Variants in LCP2 observed in about 807,000 individuals in gnomAD.
LCP2 encodes 76 kDa tyrosine phosphoprotein.
In LCP2, 29 loss-of-function variants were observed where a neutral mutation model predicts 74.5. The ratio of observed to expected loss-of-function variants is 0.39; its 90% CI spans 0.29 to 0.53. LCP2 has a LOEUF of 0.53. Ranked by LOEUF, LCP2 falls within the 20% of genes least tolerant of loss-of-function variation. The probability of loss-of-function intolerance (pLI) is 0.72; values close to 1 mark genes in which losing one functional copy is unlikely to be tolerated. For synonymous variants in LCP2, 228 were observed against 229.5 expected, an observed-to-expected ratio of 0.99 and a Z score of 0.06; for missense variants, 604 against 634.6, an observed-to-expected ratio of 0.95 and a Z score of 0.52.
In LCP2 at chr5:170,275,570, T is replaced by A. The variant is rs112519374; in HGVS notation, c.255-219A>T. 1.1e-5 allele frequency: 7 copies of A among 642,874 alleles called. No homozygotes were observed. In the African/African-American group the frequency reaches 1.3e-4, roughly 12 times the overall value. The allele number at this position is 642,874 out of a possible 1,614,324, so 39.8% of individuals were successfully genotyped here. On this transcript the variant is annotated intron_variant, in intron 4 of 20. Coordinates refer to ENST00000046794, the MANE Select transcript of LCP2 (RefSeq NM_005565.5). Reference sequence around the variant, plus strand: ...AGTGGCATGACTGGAAGCTCATGACTGTCTGATGCTGTAGAGGAAGTTCCC... The same window carrying A: ...AGTGGCATGACTGGAAGCTCATGACAGTCTGATGCTGTAGAGGAAGTTCCC...
At position 170,254,330 on chromosome 5, in the gene LCP2, G is replaced by A. The variant is rs1209304340; in HGVS notation, c.1151-1117C>T. Reference sequence around the variant, plus strand: ...AATCTGCATGTTAGCAAGTACTTCCGGTGGTTCTACACCACGGATTGTCAC... The same window carrying A: ...AATCTGCATGTTAGCAAGTACTTCCAGTGGTTCTACACCACGGATTGTCAC... On this transcript the variant is annotated intron_variant, in intron 17 of 20. Transcript: ENST00000046794. 3.3e-5 allele frequency among the ~76,000 whole-genome samples: 5 copies of A among 152,108 alleles called. No homozygotes were observed. In the East Asian group the frequency reaches 5.8e-4, roughly 18 times the overall value.
At chr5:170,267,384 G>A in intron 8 of LCP2, 1 of 462,374 alleles carries the variant, frequency 2.2e-6, no homozygotes, top group Non-Finnish European at 3.9e-6. Context: ...GCTGGCCCAT[G>A]TCTGCCCTCT....
At chr5:170,274,803 C>T (rs561115694) in intron 5 of LCP2, among the ~76,000 whole-genome samples, 2 of 152,028 alleles carry the variant, frequency 1.3e-5, no homozygotes, top group Admixed American at 6.5e-5. Flanking sequence ...GGTGAAACCC[C>T]GTCTCTACTA....
intron 1 of LCP2, among the ~76,000 whole-genome samples, chr5:170,295,142 GC>G (rs1762351725): frequency 6.6e-6 from 1 of 152,220 alleles, no homozygotes; most frequent in Admixed American, 6.5e-5. Context: ...CTGAGCCAGT[GC>G]CTCTCCACTG....
rs1343375971 is a variant in LCP2, at chr5:170,256,596, C to A, written c.1101-21G>T. On this transcript the variant is annotated intron_variant, in intron 16 of 20. Coordinates refer to ENST00000046794, the MANE Select transcript of LCP2 (RefSeq NM_005565.5). This position sits in a 1 kb window ranked among gnomAD's most constrained non-coding sequence, Gnocchi z 4.5. ...TGTTACTGAGGAGACAGAAAAAGAACAAAATTTATTTGGATTGGGGTGATG... is the reference window on the plus strand; with the variant it reads ...TGTTACTGAGGAGACAGAAAAAGAAAAAAATTTATTTGGATTGGGGTGATG... 1 of 1,595,670 alleles carries A rather than the reference C, an allele frequency of 6.3e-7. No individual in the cohort carries two copies. The highest frequency in any genetic ancestry group is 1.1e-5 in the South Asian group (1 of 90,656).
At position 170,262,843 on chromosome 5, in the gene LCP2, T is replaced by C; in HGVS notation, c.817A>G (p.Arg273Gly). ...FSDKPSIPAG[R>G]SLGEHLPKIQ... Reference sequence around the variant, plus strand: ...CTCATGTAGATGCAACAGTCTTACCTTCCCGCTGGAATCGAGGGCTGCAAG... The same window carrying C: ...CTCATGTAGATGCAACAGTCTTACCCTCCCGCTGGAATCGAGGGCTGCAAG... Residue 273 changes from arginine (R) to glycine (G), a missense_variant and splice_region_variant, in exon 12 of 21, where the codon AGG becomes GGG. Physicochemically the swap from Arg to Gly is moderately radical, Grantham distance 125. Coordinates refer to ENST00000046794, the MANE Select transcript of LCP2 (RefSeq NM_005565.5). The C allele has an allele frequency of 6.2e-7, 1 of 1,614,042 alleles. No homozygotes were observed. The highest frequency in any genetic ancestry group is 1.1e-5 in the South Asian group (1 of 91,088).
rs145342669 is a variant in LCP2, at chr5:170,279,476, A to T, written c.189-3616T>A. ...TGGCCCCAGATTCCTTATCAGCACA[A>T]TACAGGGGTTAAACCTGATTAGGGA... On this transcript the variant is annotated intron_variant, in intron 3 of 20. Transcript: ENST00000046794. 7.7e-3 allele frequency among the ~76,000 whole-genome samples: 1,176 copies of T among 152,268 alleles called. 6 individuals carry two copies. The highest frequency in any genetic ancestry group is 0.014 in the Non-Finnish European group (927 of 68,016).
At chr5:170,269,205 A>C (rs922457908) in intron 7 of LCP2, among the ~76,000 whole-genome samples, 3 of 152,252 alleles carry the variant, frequency 2.0e-5, no homozygotes, top group Non-Finnish European at 2.9e-5. Context: ...ATCTGGGCAG[A>C]AACTCACATT....
chr5:170,264,295 G>C (rs1266968051), intron 10 of LCP2, among the ~76,000 whole-genome samples: 1 of 152,194 alleles, frequency 6.6e-6, no homozygotes. Context: ...CAAATTTAGA[G>C]ATTTTCTTCT....
intron 2 of LCP2, among the ~76,000 whole-genome samples, 174 bp downstream of exon 2, chr5:170,293,136 T>C (rs556502176): frequency 6.6e-6 from 1 of 152,312 alleles, no homozygotes; most frequent in South Asian, 2.1e-4. Context: ...AGAGAGGGGT[T>C]CTGGATGATA....
At chr5:170,254,451 T>A (rs767925243) in intron 17 of LCP2, among the ~76,000 whole-genome samples, 1 of 152,142 alleles carries the variant, frequency 6.6e-6, no homozygotes, top group African/African-American at 2.4e-5. Flanking sequence ...TGATGGTCCT[T>A]CCCTGTTTTT....
Position 170,248,766 on chromosome 5 carries a change from C to T in LCP2, c.1533G>A (p.Leu511=). 1 of 1,611,526 alleles carries T rather than the reference C, an allele frequency of 6.2e-7. No homozygotes were observed. The highest frequency in any genetic ancestry group is 8.5e-7 in the Non-Finnish European group (1 of 1,178,896). Residue 511 remains leucine, a synonymous_variant, in exon 21 of 21, where the codon CTG becomes CTA. Coordinates refer to ENST00000046794, the MANE Select transcript of LCP2 (RefSeq NM_005565.5). ...IIDYFRKMPL[L]LIDGKNRGSR... is the part of the protein sequence containing the mutation. ...AACCTCGGTTTTTCCCATCAATGAGCAGAAGTGGCATTTTCCTGAAGTAGT... is the reference window on the plus strand; with the variant it reads ...AACCTCGGTTTTTCCCATCAATGAGTAGAAGTGGCATTTTCCTGAAGTAGT...
In LCP2 at chr5:170,248,655, A is replaced by G. The variant is rs1324077699; in HGVS notation, c.*42T>C. On this transcript the variant is annotated 3_prime_UTR_variant, in exon 21 of 21. Coordinates refer to ENST00000046794, the MANE Select transcript of LCP2 (RefSeq NM_005565.5). ...CAAGGCTGATTGATCTCGTGTTGGC[A>G]ACAGAGGCAGGAGGACGGTTCATTT... 6.2e-7 allele frequency: 1 copy of G among 1,608,016 alleles called. No individual in the cohort carries two copies. Among genetic ancestry groups the G allele is most frequent in the Non-Finnish European group, 8.5e-7 (1 of 1,176,922 alleles).
intron 9 of LCP2, 31 bp downstream of exon 9, chr5:170,266,978 C>G: frequency 6.2e-7 from 1 of 1,613,382 alleles, no homozygotes. Context: ...CTGGTGGGAA[C>G]AGGGCAAGAG....
At chr5:170,283,897 G>A (rs1188091954) in intron 3 of LCP2, among the ~76,000 whole-genome samples, 2 of 152,166 alleles carry the variant, frequency 1.3e-5, no homozygotes, top group Non-Finnish European at 2.9e-5. Flanking sequence ...TGAATACTGT[G>A]GGGAAAATTA....
intron 3 of LCP2, among the ~76,000 whole-genome samples, chr5:170,277,210 C>A (rs543825547): frequency 1.4e-4 from 21 of 152,200 alleles, no homozygotes; most frequent in East Asian, 7.7e-4. Flanking sequence ...GCCCTTTCAA[C>A]GCACACACCC....
chr5:170,252,743 G>A (rs1761474832), intron 18 of LCP2, among the ~76,000 whole-genome samples: 1 of 152,206 alleles, frequency 6.6e-6, no homozygotes, highest in African/African-American at 2.4e-5. Flanking sequence ...GTGAATAAGA[G>A]TTCCTTACAG....
chr5:170,272,383 G>A (rs1356210727), intron 6 of LCP2, among the ~76,000 whole-genome samples: 2 of 152,142 alleles, frequency 1.3e-5, no homozygotes, highest in African/African-American at 4.8e-5. Context: ...GACAAAACCA[G>A]TTGGGCCTCA....
Position 170,268,432 on chromosome 5 carries a change from T to C in LCP2, c.574A>G (p.Arg192Gly). 1 of 464,406 alleles carries C rather than the reference T, an allele frequency of 2.2e-6. No homozygotes were observed. The allele number at this position is 464,406 out of a possible 1,614,324, so 28.8% of individuals were successfully genotyped here. Residue 192 changes from arginine to glycine, a missense_variant, in exon 8 of 21, where the codon AGA becomes GGA. Transcript: ENST00000046794. Reference protein sequence around the residue: ...TPQQPPVPPQRPMAALPPPPA... With the variant: ...TPQQPPVPPQGPMAALPPPPA... ...GGGGGCGGGAGGGCGGCCATCGGTC[T>C]CTGGGGGGGCACAGGAGGCTGCTGG... is the stretch of plus-strand genomic sequence containing the variant.
Sources: gnomAD v4.1 joint callset for allele counts (sites outside exome capture counted in the v4.1 genomes callset) on GRCh38, gnomAD v4.1.1 for gene constraint, Gnocchi (gnomAD v3.1) non-coding constraint, MANE v1.5 for transcripts, NCBI Gene and HGNC (gene_info 2026-07-23, HGNC 2026-07-21) for gene names.